RERE: variants seen among roughly 807,000 people sequenced by gnomAD.
The protein encoded by RERE is arginine-glutamic acid dipeptide repeats protein.
A neutral mutation model predicts 146.1 loss-of-function variants in RERE; 40 were observed. The ratio of observed to expected loss-of-function variants is 0.27; its 90% CI spans 0.21 to 0.36. The LOEUF (loss-of-function observed/expected upper bound fraction) is 0.36. Among genes scored for constraint, RERE ranks in the 10% least tolerant of loss-of-function variants. The pLI is 1.00. For synonymous variants in RERE, 1,003 were observed against 866.0 expected (o/e 1.16, Z -2.78); for missense variants, 1,933 against 2,138.7 (o/e 0.90, Z 1.90).
intron 7 of RERE, among the ~76,000 whole-genome samples, chr1:8,537,587 T>C (rs576781164): frequency 6.6e-6 from 1 of 152,354 alleles, no homozygotes; most frequent in Non-Finnish European, 1.5e-5. Flanking sequence ...TATGGATCTA[T>C]ATTACTATAG....
chr1:8,529,493 G>A (rs1018142942), intron 7 of RERE, among the ~76,000 whole-genome samples: 1 of 150,196 alleles, frequency 6.7e-6, no homozygotes. Flanking sequence ...GCAGAGACAG[G>A]GTTTCACCGT....
At chr1:8,797,726 C>T (rs755602130) in intron 1 of RERE, among the ~76,000 whole-genome samples, 12 of 152,160 alleles carry the variant, frequency 7.9e-5, no homozygotes, top group Non-Finnish European at 1.5e-4. Context: ...ACTTTAAATC[C>T]AGTACCAAAG....
At chr1:8,571,661 AC>A (rs889689153) in intron 4 of RERE, among the ~76,000 whole-genome samples, 1 of 152,228 alleles carries the variant, frequency 6.6e-6, no homozygotes, top group African/African-American at 2.4e-5. Context: ...CAAAACAAAG[AC>A]GGTAACCTTT....
intron 1 of RERE, among the ~76,000 whole-genome samples, chr1:8,662,560 C>G (rs1407451165): frequency 6.6e-6 from 1 of 152,130 alleles, no homozygotes; most frequent in East Asian, 1.9e-4. Context: ...CGTGGTGGTG[C>G]AGACCTGTAG....
intron 4 of RERE, among the ~76,000 whole-genome samples, chr1:8,599,951 T>A (rs182330037): frequency 6.6e-6 from 1 of 152,350 alleles, no homozygotes; most frequent in African/African-American, 2.4e-5. Flanking sequence ...CCATATTATA[T>A]GGTTGGCTGT....
intron 4 of RERE, among the ~76,000 whole-genome samples, chr1:8,587,641 C>T (rs890749840): frequency 7.2e-5 from 11 of 152,206 alleles, no homozygotes; most frequent in African/African-American, 2.2e-4. Flanking sequence ...TGCTAAAACA[C>T]GATCTTGGCT....
intron 19 of RERE, among the ~76,000 whole-genome samples, chr1:8,359,381 C>G (rs1464757640): frequency 3.9e-5 from 6 of 152,228 alleles, no homozygotes; most frequent in African/African-American, 1.4e-4. Context: ...AGAGGCCCCT[C>G]GCAGCCTGCT....
intron 12 of RERE, among the ~76,000 whole-genome samples, chr1:8,388,383 A>G (rs554351546): frequency 2.0e-5 from 3 of 151,094 alleles, no homozygotes; most frequent in African/African-American, 4.9e-5. Flanking sequence ...GCAGTGGCGC[A>G]ATCTCGGCTC....
At chr1:8,355,759 C>A (rs1641265741) in intron 21 of RERE, among the ~76,000 whole-genome samples, 160 bp from the exon 22 acceptor site, 1 of 152,126 alleles carries the variant, frequency 6.6e-6, no homozygotes, top group African/African-American at 2.4e-5. Context: ...GAGGGCAGAG[C>A]CTCTGGGGAG....
rs767855706 is a variant in RERE, at chr1:8,364,764, G to A, written c.1522C>T (p.Arg508Cys). 9.9e-6 allele frequency: 16 copies of A among 1,613,686 alleles called. No individual in the cohort carries two copies. Among genetic ancestry groups the A allele is most frequent in the African/African-American group, 2.7e-5 (2 of 74,898 alleles). Residue 508 changes from arginine (R) to cysteine (C), a missense_variant, in exon 14 of 23, where the codon CGC (arginine) becomes TGC (cysteine). Coordinates refer to ENST00000400908, the MANE Select transcript of RERE (RefSeq NM_001042681.2). The surrounding 1 kb of genome is among the most constrained non-coding windows in gnomAD (Gnocchi z 5.1). ...SEQELKGYAC[R>C]HCFTTTSKDW... ...CACTTACTGGTGGTGAAGCAGTGGC[G>A]GCAGGCGTACCCCTTCAGCTCCTGC...
intron 2 of RERE, among the ~76,000 whole-genome samples, chr1:8,625,390 G>A (rs1365929846): frequency 6.6e-6 from 1 of 152,160 alleles, no homozygotes; most frequent in Non-Finnish European, 1.5e-5. Context: ...ATAAAGCTTA[G>A]GTCAGGAAAG....
intron 12 of RERE, among the ~76,000 whole-genome samples, chr1:8,373,025 T>C (rs1642100650): frequency 6.6e-6 from 1 of 152,204 alleles, no homozygotes; most frequent in Admixed American, 6.5e-5. Context: ...ATTTCACAGG[T>C]CTTCGAAGCC....
chr1:8,740,579 A>G (rs568075919), intron 1 of RERE, among the ~76,000 whole-genome samples: 81 of 152,352 alleles, frequency 5.3e-4, no homozygotes, highest in African/African-American at 1.9e-3. Flanking sequence ...CTCAGCTTAA[A>G]ACACAACACG....
chr1:8,378,074 C>A (rs766645486), intron 12 of RERE, among the ~76,000 whole-genome samples: 5 of 152,074 alleles, frequency 3.3e-5, no homozygotes, highest in Admixed American at 6.6e-5. Flanking sequence ...TTTAAAATTG[C>A]TCAATACAAA....
At chr1:8,620,101 AC>A (rs1646899850) in intron 3 of RERE, among the ~76,000 whole-genome samples, 1 of 152,174 alleles carries the variant, frequency 6.6e-6, no homozygotes, top group Non-Finnish European at 1.5e-5. Flanking sequence ...TCAGAACAAA[AC>A]CCTAAAAGTA....
At chr1:8,535,271 C>T (rs1645710130) in intron 7 of RERE, among the ~76,000 whole-genome samples, 1 of 152,164 alleles carries the variant, frequency 6.6e-6, no homozygotes, top group Non-Finnish European at 1.5e-5. Context: ...GGAGACTAAA[C>T]AAATATGACA....
chr1:8,739,933 T>A (rs1640275573), intron 1 of RERE, among the ~76,000 whole-genome samples: 1 of 151,926 alleles, frequency 6.6e-6, no homozygotes, highest in African/African-American at 2.4e-5. Flanking sequence ...TTGCTTTTTT[T>A]ATTCTGTTTT....
intron 12 of RERE, among the ~76,000 whole-genome samples, chr1:8,405,142 G>A (rs1184883812): frequency 6.6e-6 from 1 of 152,218 alleles, no homozygotes; most frequent in East Asian, 1.9e-4. Context: ...ATGGTCAAGA[G>A]TGAGAAGGGA....
At chr1:8,401,298 G>A (rs1057011848) in intron 12 of RERE, among the ~76,000 whole-genome samples, 1 of 151,658 alleles carries the variant, frequency 6.6e-6, no homozygotes, top group African/African-American at 2.4e-5. Flanking sequence ...AATCTTTAAT[G>A]TGACCTTGTA....
Sources: allele counts gnomAD v4.1 joint callset (sites outside exome capture counted in the v4.1 genomes callset), GRCh38; gene constraint gnomAD v4.1.1; non-coding constraint Gnocchi (gnomAD v3.1); transcripts MANE v1.5; gene names NCBI Gene and HGNC (gene_info 2026-07-23, HGNC 2026-07-21).